The following IRF8 variants were observed in gnomAD, a reference collection of about 807,000 sequenced individuals.
The protein encoded by IRF8 is interferon consensus sequence binding protein 1.
A neutral mutation model predicts 48.7 loss-of-function variants in IRF8; 14 were observed. That is an observed-to-expected ratio of 0.29 (90% CI 0.19 to 0.45). The LOEUF is 0.45. Among genes scored for constraint, IRF8 ranks in the 20% least tolerant of loss-of-function variants. IRF8 has a pLI of 1.00. For missense variants in IRF8, 493 were observed against 580.7 expected (o/e 0.85, Z 1.55); for synonymous variants, 278 against 227.3 (o/e 1.22, Z -2.01).
chr16:85,902,419 G>A (rs2152098421), intron 1 of IRF8, among the ~76,000 whole-genome samples: 1 of 152,326 alleles, frequency 6.6e-6, no homozygotes, highest in Non-Finnish European at 1.5e-5. Flanking sequence ...TCCCAGCTGA[G>A]CGGTGGCGGG....
rs913751710 is a variant in IRF8 at position 85,922,439 on chromosome 16, C to G, written c.*1157C>G. ...GCATTATATTTTTAAGAATGGCAGA[C>G]CTGTTTGCTGAAGTGTTCATAAGAT... On this transcript the variant is annotated 3_prime_UTR_variant, in exon 9 of 9. Transcript: ENST00000268638. 2.0e-5 allele frequency: 3 copies of G among 152,284 alleles called. No individual in the cohort carries two copies. Among genetic ancestry groups the G allele is most frequent in the East Asian group, 1.9e-4 (1 of 5,338 alleles). The allele number at this position is 152,284 out of a possible 1,614,324, so 9.4% of individuals were successfully genotyped here.
chr16:85,909,085 A>C lies in IRF8; in HGVS notation c.270A>C (p.Pro90=). The change falls in exon 3 of 9, where the codon CCA becomes CCC. Residue 90 remains proline (P), a synonymous_variant. Transcript: ENST00000268638. ...TACGCTGTGCTTTGAATAAGAGCCCAGATTTTGAGGAAGTGACGGACCGGT... is the reference window on the plus strand; with the variant it reads ...TACGCTGTGCTTTGAATAAGAGCCCCGATTTTGAGGAAGTGACGGACCGGT... ...TRLRCALNKS[P]DFEEVTDRSQ... 1 of 1,614,194 alleles carries C rather than the reference A, an allele frequency of 6.2e-7. No homozygotes were observed. The highest frequency in any genetic ancestry group is 8.5e-7 in the Non-Finnish European group (1 of 1,180,016).
rs1904841482 is a variant in IRF8 at position 85,902,034 on chromosome 16, T to C, written c.-1-981T>C. Among the ~76,000 whole-genome samples the C allele has an allele frequency of 2.0e-5, 3 of 151,996 alleles. No individual in the cohort carries two copies. In the South Asian group the frequency reaches 6.2e-4, roughly 32 times the overall value. ...CGATAGGTCATGCTAGTTCTCTCTCTCTTTCTCTGTGCTGTTGGGGAAGCT... is the reference window on the plus strand; with the variant it reads ...CGATAGGTCATGCTAGTTCTCTCTCCCTTTCTCTGTGCTGTTGGGGAAGCT... On this transcript the variant is annotated intron_variant, in intron 1 of 8. Coordinates refer to ENST00000268638, the MANE Select transcript of IRF8 (RefSeq NM_002163.4).
At chr16:85,914,588 A>T (rs1257717067) in intron 6 of IRF8, 68 bp downstream of exon 6, 1 of 1,579,644 alleles carries the variant, frequency 6.3e-7, no homozygotes, top group African/African-American at 1.4e-5. Context: ...TAACCCAAGC[A>T]GGGTTGCGGG....
At chr16:85,919,063 C>T (rs546931014) in intron 7 of IRF8, among the ~76,000 whole-genome samples, 5 of 152,192 alleles carry the variant, frequency 3.3e-5, no homozygotes, top group South Asian at 2.1e-4. Context: ...AGGTGATTGT[C>T]GGGAGGGTAA....
Position 85,921,241 on chromosome 16 carries a change from C to A in IRF8, c.1240C>A (p.Gln414Lys). The change falls in exon 9 of 9, where the codon CAG (glutamine) becomes AAG (lysine). Residue 414 changes from glutamine to lysine, a missense_variant. Transcript: ENST00000268638. ...RMFPDICASHQRSFFRENQQI... is the reference protein window; with the variant it reads ...RMFPDICASHKRSFFRENQQI... ...GTTTCCAGATATTTGTGCCTCACACCAGAGATCATTTTTCAGAGAAAACCA... is the reference window on the plus strand; with the variant it reads ...GTTTCCAGATATTTGTGCCTCACACAAGAGATCATTTTTCAGAGAAAACCA... 2 of 1,614,202 alleles carry A rather than the reference C, an allele frequency of 1.2e-6. No homozygotes were observed. Among genetic ancestry groups the A allele is most frequent in the Non-Finnish European group, 1.7e-6 (2 of 1,180,048 alleles).
chr16:85,918,918 G>T (rs1245158505), intron 7 of IRF8, 115 bp downstream of exon 7: 1 of 1,349,698 alleles, frequency 7.4e-7, no homozygotes, highest in Non-Finnish European at 1.0e-6. Flanking sequence ...TGGAGGAGGA[G>T]TGAGGGGCAT....
At chr16:85,902,944 C>G (rs1329303576) in intron 1 of IRF8, 71 bp from the exon 2 acceptor site, 53 of 1,539,786 alleles carry the variant, frequency 3.4e-5, no homozygotes, top group Non-Finnish European at 4.7e-5. Flanking sequence ...TTCCTGTTAG[C>G]AGTTTTTGGG....
chr16:85,900,579 T>A (rs1488979845), intron 1 of IRF8, among the ~76,000 whole-genome samples: 1 of 152,218 alleles, frequency 6.6e-6, no homozygotes, highest in Non-Finnish European at 1.5e-5. Flanking sequence ...ATGGCTTTTC[T>A]CTGCACCATG....
In IRF8 at chr16:85,918,511, C is replaced by G; in HGVS notation, c.696C>G (p.Ser232Arg). 6.3e-7 allele frequency: 1 copy of G among 1,595,440 alleles called. No individual in the cohort carries two copies. Among genetic ancestry groups the G allele is most frequent in the Non-Finnish European group, 8.5e-7 (1 of 1,175,312 alleles). ...TCPEGCRLSL[S>R]QPGLPGTKLY... ...CCGAGGGCTGCCGCCTGTCCCTGAG[C>G]CAGCCTGGGCTGCCCGGCACCAAGC... Residue 232 changes from serine (S) to arginine (R), a missense_variant, in exon 7 of 9, where the codon AGC becomes AGG. Ser to Arg is a moderately radical substitution (Grantham distance 110). This residue lies in a region of IRF8 where 408 missense variants were observed against 449.6 expected (regional missense o/e 0.91). Coordinates refer to ENST00000268638, the MANE Select transcript of IRF8 (RefSeq NM_002163.4).
chr16:85,907,515 T>C (rs766759039), intron 2 of IRF8, among the ~76,000 whole-genome samples: 33 of 152,022 alleles, frequency 2.2e-4, no homozygotes, highest in Admixed American at 3.9e-4. Context: ...TCGTCTGTAC[T>C]AAAAATACAA....
At chr16:85,910,636 G>A (rs1198005284) in intron 3 of IRF8, among the ~76,000 whole-genome samples, 2 of 152,140 alleles carry the variant, frequency 1.3e-5, no homozygotes, top group Non-Finnish European at 1.5e-5. Flanking sequence ...TCACCTGCTA[G>A]TGATGTTAAA....
chr16:85,914,357 C>G, intron 5 of IRF8, 116 bp from the exon 6 acceptor site: 1 of 1,170,050 alleles, frequency 8.5e-7, no homozygotes, highest in Non-Finnish European at 1.3e-6. Flanking sequence ...CTCCCTGGAG[C>G]CTCTGGCACG....
chr16:85,920,781 T>C (rs1905530989), intron 8 of IRF8, among the ~76,000 whole-genome samples: 1 of 152,206 alleles, frequency 6.6e-6, no homozygotes, highest in Non-Finnish European at 1.5e-5. Flanking sequence ...AATCTAAGCC[T>C]CTTCTCCAGA....
chr16:85,914,419 C>T (rs1905234734), intron 5 of IRF8, 54 bp from the exon 6 acceptor site: 3 of 1,610,182 alleles, frequency 1.9e-6, no homozygotes, highest in East Asian at 4.5e-5. Context: ...TGGGGTTACT[C>T]CCTGTACACC....
chr16:85,900,753 T>C (rs1904802020), intron 1 of IRF8, among the ~76,000 whole-genome samples: 1 of 152,262 alleles, frequency 6.6e-6, no homozygotes, highest in Non-Finnish European at 1.5e-5. Flanking sequence ...AGCTTTCAGA[T>C]GCTATGACTT....
At chr16:85,905,600 G>A (rs1014404754) in intron 2 of IRF8, among the ~76,000 whole-genome samples, 3 of 152,174 alleles carry the variant, frequency 2.0e-5, no homozygotes, top group Admixed American at 6.5e-5. Context: ...TGGAGACATG[G>A]CGCCAGCAAG....
chr16:85,908,936 T>C (rs2152100654), intron 2 of IRF8, 54 bp from the exon 3 acceptor site: 1 of 1,454,242 alleles, frequency 6.9e-7, no homozygotes, highest in East Asian at 2.3e-5. Flanking sequence ...TGGTGACGGA[T>C]ATTTGTGATT....
chr16:85,901,909 CAG>C (rs1251086577), intron 1 of IRF8, among the ~76,000 whole-genome samples: 1 of 151,530 alleles, frequency 6.6e-6, no homozygotes, highest in African/African-American at 2.4e-5. Context: ...ACATTTTAAT[CAG>C]AAGAACAAAA....
Sources: allele counts gnomAD v4.1 joint callset (sites outside exome capture counted in the v4.1 genomes callset), GRCh38; gene constraint gnomAD v4.1.1; regional missense constraint gnomAD v4.1.1; transcripts MANE v1.5; gene names NCBI Gene and HGNC (gene_info 2026-07-23, HGNC 2026-07-21).